The following NEK9 variants were observed in gnomAD, a reference collection of about 807,000 sequenced individuals.
The protein encoded by NEK9 is NIMA related kinase 9, also known as serine/threonine-protein kinase Nek9.
NEK9 carries 75 observed loss-of-function variants against 123.4 expected under a neutral mutation model. That is an observed-to-expected ratio of 0.61 (90% confidence interval 0.50 to 0.74). The LOEUF is 0.74. Ranked by LOEUF, NEK9 falls within the 30% of genes least tolerant of loss-of-function variation. The probability of loss-of-function intolerance (pLI) is 0.00; values close to 1 mark genes in which losing one functional copy is unlikely to be tolerated. For synonymous variants in NEK9, 438 were observed against 458.7 expected (o/e 0.95, Z 0.58); for missense variants, 952 against 1,214.4 (o/e 0.78, Z 3.21).
chr14:75,114,814 TATG>T (rs1309045941), intron 6 of NEK9, among the ~76,000 whole-genome samples: 1 of 152,082 alleles, frequency 6.6e-6, no homozygotes, highest in Non-Finnish European at 1.5e-5. Context: ...ACATTACATA[TATG>T]ATATTTTTTA....
chr14:75,096,186 G>A (rs1213725898), intron 17 of NEK9, among the ~76,000 whole-genome samples: 1 of 150,482 alleles, frequency 6.6e-6, no homozygotes, highest in Admixed American at 6.7e-5. Context: ...GAGAGACTGA[G>A]GCAGGAGAAT....
chr14:75,087,252 T>G (rs746635070), intron 20 of NEK9, 22 bp from the exon 21 acceptor site: 1 of 1,580,988 alleles, frequency 6.3e-7, no homozygotes, highest in Non-Finnish European at 8.7e-7. Context: ...AGAAGGAGAT[T>G]GCAGGAGGTT....
Position 75,091,383 on chromosome 14 carries a change from C to T in NEK9, c.2329G>A (p.Gly777Ser), listed in dbSNP as rs1894211475. Residue 777 changes from glycine (G) to serine (S), a missense_variant, in exon 19 of 22, where the codon GGC (glycine) becomes AGC (serine). By Grantham distance (56) the Gly-to-Ser change is moderately conservative (BLOSUM62 0). Around this residue, in one of 4 missense-constraint regions of NEK9, gnomAD observed 698 missense variants for 875.6 expected, o/e 0.80. Coordinates refer to ENST00000238616, the MANE Select transcript of NEK9 (RefSeq NM_033116.6). The stretch of plus-strand genomic sequence containing the variant: ...TCTGCTTCCATTGTTCCTCGGAAGC[C>T]TCCACTTGGGTCAGGAGTTTCAGAT... ...QESETPDPSG[G>S]FRGTMEADRG... 1 of 1,613,818 alleles carries T rather than the reference C, an allele frequency of 6.2e-7. No individual in the cohort carries two copies. Among genetic ancestry groups the T allele is most frequent in the South Asian group, 1.1e-5 (1 of 91,046 alleles).
At chr14:75,124,388 A>G (rs1895446868) in intron 1 of NEK9, among the ~76,000 whole-genome samples, 165 bp from the exon 2 acceptor site, 1 of 152,196 alleles carries the variant, frequency 6.6e-6, no homozygotes, top group South Asian at 2.1e-4. Context: ...ACAATTTAGC[A>G]TTATAATTTA....
upstream of NEK9, chr14:75,127,089 C>T: frequency 1.8e-6 from 1 of 565,590 alleles, no homozygotes; most frequent in Non-Finnish European, 3.0e-6. Flanking sequence ...TCTGTGTTTC[C>T]GGCCTGGCTG....
chr14:75,108,870 T>C (rs981973922), intron 10 of NEK9, among the ~76,000 whole-genome samples: 1 of 152,104 alleles, frequency 6.6e-6, no homozygotes, highest in African/African-American at 2.4e-5. Flanking sequence ...ATGTTTAAGA[T>C]ACTAATTTCT....
At chr14:75,085,099 C>T (rs1015060087) in intron 21 of NEK9, 1 of 162,814 alleles carries the variant, frequency 6.1e-6, no homozygotes, top group Admixed American at 5.9e-5. Flanking sequence ...TTGACCTCCC[C>T]AGATTCAGGT....
At chr14:75,124,011 TCTTGCTGGAAAA>T (rs1307064647) in intron 2 of NEK9, 23 bp downstream of exon 2, 1 of 1,556,860 alleles carries the variant, frequency 6.4e-7, no homozygotes, top group South Asian at 1.1e-5. Flanking sequence ...TCTAAGAAAG[TCTTGCTGGAAAA>T]GTCCCACTGA....
At chr14:75,123,894 A>T (rs1266375412) in intron 2 of NEK9, 152 bp downstream of exon 2, 2 of 588,280 alleles carry the variant, frequency 3.4e-6, no homozygotes, top group Non-Finnish European at 5.3e-6. Context: ...CCACTTCAAA[A>T]ATTCTCCAAG....
chr14:75,122,335 A>G (rs1895365842), intron 2 of NEK9, among the ~76,000 whole-genome samples: 9 of 152,208 alleles, frequency 5.9e-5, no homozygotes, highest in Admixed American at 5.9e-4. Flanking sequence ...TTACACAAGG[A>G]AGTCGTAAGT....
At chr14:75,126,061 C>A (rs1194731998) in intron 1 of NEK9, among the ~76,000 whole-genome samples, 2 of 152,044 alleles carry the variant, frequency 1.3e-5, no homozygotes, top group Non-Finnish European at 2.9e-5. Context: ...GGTCCTTGTG[C>A]CCCCCAAATT....
At chr14:75,087,385 G>C (rs1345836113) in intron 20 of NEK9, among the ~76,000 whole-genome samples, 155 bp from the exon 21 acceptor site, 2 of 152,174 alleles carry the variant, frequency 1.3e-5, no homozygotes, top group Non-Finnish European at 2.9e-5. Flanking sequence ...GAAATGCTAG[G>C]ATTATAACAG....
chr14:75,125,324 G>A (rs140757583), intron 1 of NEK9, among the ~76,000 whole-genome samples: 38 of 152,156 alleles, frequency 2.5e-4, no homozygotes, highest in Non-Finnish European at 5.4e-4. Context: ...TTTTCCTACT[G>A]AAATATAAGC....
intron 2 of NEK9, among the ~76,000 whole-genome samples, chr14:75,122,582 G>A (rs138197993): frequency 0.027 from 4,128 of 151,900 alleles, 215 homozygotes; most frequent in African/African-American, 0.095. Flanking sequence ...TCCACTCACT[G>A]CAACCTCCAA....
In NEK9 at chr14:75,114,185, T is replaced by C. The variant is rs1455558222; in HGVS notation, c.873+18A>G. 6.4e-7 allele frequency: 1 copy of C among 1,554,174 alleles called. No individual in the cohort carries two copies. The highest frequency in any genetic ancestry group is 2.2e-5 in the East Asian group (1 of 44,616). On this transcript the variant is annotated intron_variant, in intron 7 of 21. Transcript: ENST00000238616. ...AGGGGAAATACGAAACTGAAGTGAA[T>C]GTTTAAGTCACACCTACCTGGTCAA...
intron 2 of NEK9, among the ~76,000 whole-genome samples, chr14:75,123,747 T>C (rs1198659913): frequency 2.6e-5 from 4 of 152,192 alleles, no homozygotes; most frequent in Non-Finnish European, 5.9e-5. Context: ...TCTGGTTAAC[T>C]AATGTCATTT....
At chr14:75,124,009 A>C (rs1434948042) in intron 2 of NEK9, 37 bp downstream of exon 2, 8 of 1,546,352 alleles carry the variant, frequency 5.2e-6, no homozygotes, top group African/African-American at 1.4e-5. Flanking sequence ...AGTCTAAGAA[A>C]GTCTTGCTGG....
At chr14:75,126,592 G>T in intron 1 of NEK9, 111 bp downstream of exon 1, 2 of 731,316 alleles carry the variant, frequency 2.7e-6, no homozygotes, top group Non-Finnish European at 4.1e-6. Flanking sequence ...CATATACCCC[G>T]TGGGCGCCTA....
chr14:75,092,141 A>C (rs1022808825), intron 18 of NEK9, among the ~76,000 whole-genome samples: 1 of 150,500 alleles, frequency 6.6e-6, no homozygotes, highest in African/African-American at 2.5e-5. Flanking sequence ...CACCATGCCC[A>C]GCTAAGTTTT....
Sources: allele counts gnomAD v4.1 joint callset (sites outside exome capture counted in the v4.1 genomes callset), GRCh38; gene constraint gnomAD v4.1.1; regional missense constraint gnomAD v4.1.1; transcripts MANE v1.5; gene names NCBI Gene and HGNC (gene_info 2026-07-23, HGNC 2026-07-21).